CRY1: variants seen among roughly 807,000 people sequenced by gnomAD.
CRY1 encodes cryptochrome-1.
Under a neutral mutation model 76.0 loss-of-function variants are expected in CRY1, and 45 were observed. The ratio of observed to expected loss-of-function variants is 0.59; its 90% confidence interval spans 0.47 to 0.76. CRY1 has a LOEUF of 0.76. Ranked by LOEUF, CRY1 falls within the 30% of genes least tolerant of loss-of-function variation. CRY1 has a pLI of 0.00. For missense variants in CRY1, 587 were observed against 716.4 expected (o/e 0.82, Z 2.06); for synonymous variants, 248 against 244.0 (o/e 1.02, Z -0.15).
chr12:107,035,835 A>G (rs1952727064), intron 1 of CRY1, among the ~76,000 whole-genome samples: 2 of 152,182 alleles, frequency 1.3e-5, no homozygotes, highest in African/African-American at 4.8e-5. Context: ...GCCTCAGACC[A>G]TCTCCTCCCA....
chr12:107,060,737 T>A (rs925114564), intron 1 of CRY1, among the ~76,000 whole-genome samples: 7 of 152,078 alleles, frequency 4.6e-5, no homozygotes, highest in Admixed American at 1.3e-4. Context: ...ACGCCTGTAA[T>A]CCCAGCCGAG....
At chr12:107,079,441 G>C (rs1303605144) in intron 1 of CRY1, among the ~76,000 whole-genome samples, 2 of 152,116 alleles carry the variant, frequency 1.3e-5, no homozygotes, top group African/African-American at 4.8e-5. Context: ...TCTGAGTCCT[G>C]GTATCAAGCG....
rs1231301254 is a variant in CRY1, at chr12:107,093,159, G to T, written c.-198C>A. The T allele has an allele frequency of 3.3e-6, 2 of 602,962 alleles. No homozygotes were observed. Among genetic ancestry groups the T allele is most frequent in the Non-Finnish European group, 5.4e-6 (2 of 373,056 alleles). 37.4% of individuals were successfully genotyped at this position (602,962 alleles called of 1,614,324 possible). A position where few individuals can be genotyped will look rare whatever the true frequency, so the allele number is the denominator to read the frequency against. ...CGGAGGCGCAGTGGAAAGATGAATGGAGGTTGCCTAGTCGGCGGAGTCCGG... is the reference window on the plus strand; with the variant it reads ...CGGAGGCGCAGTGGAAAGATGAATGTAGGTTGCCTAGTCGGCGGAGTCCGG... On this transcript the variant is annotated 5_prime_UTR_variant, in exon 1 of 13. Coordinates refer to ENST00000008527, the MANE Select transcript of CRY1 (RefSeq NM_004075.5).
At chr12:107,009,557 A>C (rs1952416585) in intron 2 of CRY1, among the ~76,000 whole-genome samples, 1 of 41,810 alleles carries the variant, frequency 2.4e-5, no homozygotes, top group African/African-American at 6.1e-5. Flanking sequence ...CAAAAAAACA[A>C]AAAAACATAT....
chr12:107,005,042 G>A (rs1429412219), intron 3 of CRY1, 64 bp downstream of exon 3: 1 of 1,488,926 alleles, frequency 6.7e-7, no homozygotes, highest in Non-Finnish European at 9.1e-7. Context: ...ACTTAAAAAT[G>A]GTTAAGATGG....
Position 106,998,003 on chromosome 12 carries a change from A to T in CRY1, c.1201T>A (p.Ser401Thr), listed in dbSNP as rs201044685. Residue 401 changes from serine (S) to threonine (T), a missense_variant, in exon 8 of 13, where the codon TCT becomes ACT. Transcript: ENST00000008527. ...SINAGSWMWL[S>T]CSSFFQQFFH... ...AACTGTTGAAAAAAGGAACTACAAG[A>T]CAGCCACATCCAACTTCCAGCATTT... The T allele has an allele frequency of 5.0e-6, 8 of 1,614,074 alleles. No homozygotes were observed. In the Admixed American group the frequency reaches 1.3e-4, roughly 27 times the overall value.
intron 2 of CRY1, among the ~76,000 whole-genome samples, chr12:107,013,035 C>T (rs956022144): frequency 2.6e-5 from 4 of 152,176 alleles, no homozygotes; most frequent in African/African-American, 9.7e-5. Context: ...CTGTGAACAT[C>T]ATCAAAATGA....
intron 5 of CRY1, among the ~76,000 whole-genome samples, chr12:107,000,942 G>C (rs183027896): frequency 6.6e-6 from 1 of 152,282 alleles, no homozygotes; most frequent in African/African-American, 2.4e-5. Context: ...AAGCCACCAT[G>C]CCTGGCTTTC....
At chr12:107,073,066 A>C (rs924915668) in intron 1 of CRY1, 2 of 140,498 alleles carry the variant, frequency 1.4e-5, no homozygotes, top group African/African-American at 4.9e-5. Flanking sequence ...TAGATGGAAC[A>C]AAGATTTATA....
rs570562543 is a variant in CRY1 at position 106,992,358 on chromosome 12, A to C, written c.*1-357T>G. ...AAATTGGAAATAATTTAGATTTTAG[A>C]AGCATCATAACAGATAAAAGAAATT... On this transcript the variant is annotated intron_variant, in intron 12 of 12. Coordinates refer to ENST00000008527, the MANE Select transcript of CRY1 (RefSeq NM_004075.5). 4 of 152,758 alleles carry C rather than the reference A, an allele frequency of 2.6e-5. No homozygotes were observed. In the South Asian group the frequency reaches 8.2e-4, roughly 31 times the overall value. The allele number at this position is 152,758 out of a possible 1,614,324, so 9.5% of individuals were successfully genotyped here.
intron 1 of CRY1, chr12:107,050,060 A>T (rs1314100585): frequency 6.6e-6 from 1 of 152,224 alleles, no homozygotes; most frequent in Non-Finnish European, 1.5e-5. Context: ...AAGAAAATGG[A>T]GTGGTTACAA....
chr12:107,026,654 T>C (rs1185128167), intron 1 of CRY1, among the ~76,000 whole-genome samples: 1 of 152,140 alleles, frequency 6.6e-6, no homozygotes, highest in Non-Finnish European at 1.5e-5. Flanking sequence ...AGTAGGGGTG[T>C]CTTGTGTAAC....
At chr12:107,084,525 C>A (rs1195934520) in intron 1 of CRY1, among the ~76,000 whole-genome samples, 2 of 152,100 alleles carry the variant, frequency 1.3e-5, no homozygotes, top group Non-Finnish European at 2.9e-5. Context: ...AGAAATAACA[C>A]CACACACCTA....
In CRY1 at chr12:107,078,269, G is replaced by A. The variant is rs148673068; in HGVS notation, c.158+14535C>T. On this transcript the variant is annotated intron_variant, in intron 1 of 12. Transcript: ENST00000008527. Reference sequence around the variant, plus strand: ...CTTAATCAGAATCATATAACTCCTGGAGGGTCCTCTAAACAACATCTAGCA... The same window carrying A: ...CTTAATCAGAATCATATAACTCCTGAAGGGTCCTCTAAACAACATCTAGCA... Among the ~76,000 whole-genome samples, 721 of 151,968 alleles carry A rather than the reference G, an allele frequency of 4.7e-3. 3 individuals carry two copies. Among genetic ancestry groups the A allele is most frequent in the African/African-American group, 0.017 (697 of 41,418 alleles).
At chr12:106,999,907 A>C (rs375932644) in intron 6 of CRY1, 35 bp downstream of exon 6, 21 of 1,584,510 alleles carry the variant, frequency 1.3e-5, no homozygotes, top group Admixed American at 1.9e-5. Context: ...TTTTTTTTAA[A>C]GTATTAAACA....
At chr12:107,015,298 T>C (rs1952487487) in intron 2 of CRY1, among the ~76,000 whole-genome samples, 1 of 152,068 alleles carries the variant, frequency 6.6e-6, no homozygotes, top group Non-Finnish European at 1.5e-5. Context: ...CAATGATCTA[T>C]TGTGAGTTTT....
At chr12:107,052,095 T>C (rs908834648) in intron 1 of CRY1, among the ~76,000 whole-genome samples, 3 of 152,086 alleles carry the variant, frequency 2.0e-5, no homozygotes, top group Non-Finnish European at 2.9e-5. Flanking sequence ...GCACGAGGTT[T>C]TTCTAACGGT....
chr12:107,042,660 C>T (rs1327558722), intron 1 of CRY1, among the ~76,000 whole-genome samples: 1 of 152,088 alleles, frequency 6.6e-6, no homozygotes, highest in Non-Finnish European at 1.5e-5. Context: ...CAAAGACAGA[C>T]AGAACAACAA....
chr12:107,075,051 A>G (rs192401802), intron 1 of CRY1, among the ~76,000 whole-genome samples: 2 of 152,136 alleles, frequency 1.3e-5, no homozygotes, highest in Admixed American at 1.3e-4. Context: ...AACAAAAACT[A>G]CTAGTGATCT....
Sources: gnomAD v4.1 joint callset for allele counts (sites outside exome capture counted in the v4.1 genomes callset) on GRCh38, gnomAD v4.1.1 for gene constraint, MANE v1.5 for transcripts, NCBI Gene and HGNC (gene_info 2026-07-23, HGNC 2026-07-21) for gene names.